Variants in SYN1 observed in about 807,000 individuals in gnomAD.
The protein encoded by SYN1 is synapsin I, also known as synapsin-1.
In SYN1, 8 loss-of-function variants were observed where a neutral mutation model predicts 44.6. The observed-to-expected ratio is 0.18, with a 90% CI of 0.11 to 0.32. The LOEUF (loss-of-function observed/expected upper bound fraction) is 0.32. Ranked by LOEUF, SYN1 falls within the 10% of genes least tolerant of loss-of-function variation. The pLI is 1.00. For missense variants in SYN1, 451 were observed against 639.4 expected (o/e 0.71, Z 3.18); for synonymous variants, 275 against 280.1 (o/e 0.98, Z 0.18).
At chrX:47,582,962 C>T (rs755264637) in intron 5 of SYN1, among the ~76,000 whole-genome samples, 1 of 87,910 alleles carries the variant, frequency 1.1e-5, no homozygotes, top group South Asian at 6.7e-4. Context: ...CCTAAACCCC[C>T]AACCTCCTCC....
At chrX:47,589,595 CA>C (rs779225789) in intron 5 of SYN1, among the ~76,000 whole-genome samples, 365 of 29,907 alleles carry the variant, frequency 0.012, no homozygotes, top group African/African-American at 0.034. Flanking sequence ...GACTCCGTCT[CA>C]AAAAAAAAAA....
chrX:47,576,283 C>G (rs760496418), intron 8 of SYN1, 49 bp downstream of exon 8: 2 of 1,204,813 alleles, frequency 1.7e-6, no homozygotes, highest in Non-Finnish European at 2.2e-6. Context: ...CCTGAGCTGT[C>G]GTGCTCCCAC....
At chrX:47,611,961 A>C (rs187236589) in intron 1 of SYN1, among the ~76,000 whole-genome samples, 7 of 111,828 alleles carry the variant, frequency 6.3e-5, no homozygotes, top group Non-Finnish European at 1.1e-4. Flanking sequence ...CATGTCCCCC[A>C]CACACAAATA....
chrX:47,606,454 C>T (rs943632942), intron 3 of SYN1, among the ~76,000 whole-genome samples: 14 of 109,920 alleles, frequency 1.3e-4, no homozygotes, highest in Non-Finnish European at 2.3e-4. Context: ...CTGGGTGTGG[C>T]GGCTCATGCC....
chrX:47,594,487 C>T (rs1453548679), intron 5 of SYN1, among the ~76,000 whole-genome samples: 3 of 106,930 alleles, frequency 2.8e-5, no homozygotes, highest in Admixed American at 1.0e-4. Context: ...TGAGCCAAGA[C>T]CACACCACCA....
chrX:47,619,232 A>G (rs2057939987), intron 1 of SYN1, 120 bp downstream of exon 1: 1 of 1,064,869 alleles, frequency 9.4e-7, no homozygotes, highest in South Asian at 2.0e-5. Flanking sequence ...ATTTAAAGGA[A>G]AAAGATTTAG....
intron 1 of SYN1, among the ~76,000 whole-genome samples, chrX:47,618,188 C>A (rs778564837): frequency 3.6e-5 from 4 of 112,002 alleles, no homozygotes; most frequent in Non-Finnish European, 7.5e-5. Context: ...GAGGCACAGG[C>A]CTTTATGGAG....
intron 5 of SYN1, among the ~76,000 whole-genome samples, chrX:47,580,341 T>C (rs111835419): frequency 2.2e-3 from 241 of 108,605 alleles, no homozygotes; most frequent in African/African-American, 7.6e-3. Flanking sequence ...TCTTAAAAAA[T>C]AGATTTAGGC....
At chrX:47,598,119 T>C in intron 5 of SYN1, among the ~76,000 whole-genome samples, 1 of 112,234 alleles carries the variant, frequency 8.9e-6, no homozygotes, top group East Asian at 2.8e-4. Context: ...GTTAACTACA[T>C]AGGTAAATAT....
At chrX:47,594,607 G>A (rs186895684) in intron 5 of SYN1, among the ~76,000 whole-genome samples, 2 of 111,744 alleles carry the variant, frequency 1.8e-5, no homozygotes, top group African/African-American at 6.5e-5. Flanking sequence ...CAGAAGGAAG[G>A]GATGTTGCAG....
chrX:47,618,786 G>T (rs4824627), intron 1 of SYN1, among the ~76,000 whole-genome samples: 1 of 110,576 alleles, frequency 9.0e-6, no homozygotes, highest in Non-Finnish European at 1.9e-5. Flanking sequence ...GTTTAAAAGG[G>T]CTTTAAGGAC....
chrX:47,616,665 A>G (rs760467237), intron 1 of SYN1, among the ~76,000 whole-genome samples: 9 of 112,197 alleles, frequency 8.0e-5, no homozygotes, highest in African/African-American at 2.9e-4. Context: ...TTACAGATTG[A>G]TAGAGAAAAA....
At position 47,618,551 on chromosome X, in the gene SYN1, C is replaced by T. The variant is rs1396538168; in HGVS notation, c.377+801G>A. Among the ~76,000 whole-genome samples, 11 of 111,473 alleles carry T rather than the reference C, an allele frequency of 9.9e-5. No individual in the cohort carries two copies. In the East Asian group the frequency reaches 3.1e-3, roughly 31 times the overall value. ...GGTTCAAAACTGCTCATGGAACTCA[C>T]TGGAGGAAAATGATTTGTTTGAGAA... On this transcript the variant is annotated intron_variant, in intron 1 of 12. Transcript: ENST00000295987.
chrX:47,611,905 G>A (rs2057917814), intron 1 of SYN1, among the ~76,000 whole-genome samples: 1 of 111,870 alleles, frequency 8.9e-6, no homozygotes, highest in African/African-American at 3.3e-5. Context: ...CCACCATGAA[G>A]AGGAAAGCAC....
intron 1 of SYN1, among the ~76,000 whole-genome samples, chrX:47,609,535 T>A (rs758390073): frequency 8.9e-5 from 10 of 112,251 alleles, no homozygotes; most frequent in Non-Finnish European, 1.5e-4. Context: ...GTAAGCCTCC[T>A]GCATGCAAAT....
Position 47,576,095 on chromosome X carries a change from C to A in SYN1, c.1158+36G>T, listed in dbSNP as rs768633752. On this transcript the variant is annotated intron_variant, in intron 9 of 12. Coordinates refer to ENST00000295987, the MANE Select transcript of SYN1 (RefSeq NM_006950.3). ...GCACTGCTGCTGCCTGGCATCTGTTCCTCCCTCTACCCCACCTACCCCTGG... is the reference window on the plus strand; with the variant it reads ...GCACTGCTGCTGCCTGGCATCTGTTACTCCCTCTACCCCACCTACCCCTGG... 3.5e-6 allele frequency: 4 copies of A among 1,151,666 alleles called. No individual in the cohort carries two copies. In the Admixed American group the frequency reaches 7.5e-5, roughly 22 times the overall value. 94.9% of individuals were successfully genotyped at this position (1,151,666 alleles called of 1,213,427 possible).
chrX:47,610,526 T>C (rs1033337867), intron 1 of SYN1, among the ~76,000 whole-genome samples: 24 of 106,242 alleles, frequency 2.3e-4, no homozygotes, highest in African/African-American at 7.9e-4. Flanking sequence ...GAAACCTGAC[T>C]GGACAGGTTC....
At chrX:47,601,588 C>A (rs1346509610) in intron 5 of SYN1, among the ~76,000 whole-genome samples, 1 of 111,040 alleles carries the variant, frequency 9.0e-6, no homozygotes, top group Non-Finnish European at 1.9e-5. Context: ...AAGACCCTGT[C>A]TCAAAAAAAG....
At chrX:47,613,571 C>T (rs1274612152) in intron 1 of SYN1, among the ~76,000 whole-genome samples, 1 of 111,573 alleles carries the variant, frequency 9.0e-6, no homozygotes, top group Non-Finnish European at 1.9e-5. Flanking sequence ...GGACCTCAGC[C>T]AGCTCACTGT....
Sources: allele counts gnomAD v4.1 joint callset (sites outside exome capture counted in the v4.1 genomes callset), GRCh38; gene constraint gnomAD v4.1.1; transcripts MANE v1.5; gene names NCBI Gene and HGNC (gene_info 2026-07-23, HGNC 2026-07-21).